The following ARB2A variants were observed in gnomAD, a reference collection of about 807,000 sequenced individuals.
The protein encoded by ARB2A is cotranscriptional regulator ARB2A.
chr5:93,673,381 CT>C, the ARB2A span, among the ~76,000 whole-genome samples: 268 of 147,940 alleles, frequency 1.8e-3, no homozygotes, highest in East Asian at 2.7e-3. Flanking sequence ...TCTCTCTTCT[CT>C]TTTTTTTTTC....
chr5:93,861,536 G>A, the ARB2A span: 1 of 151,912 alleles, frequency 6.6e-6, no homozygotes, highest in African/African-American at 2.4e-5. Flanking sequence ...CACATCCCAC[G>A]TGCCTAGCAC....
chr5:93,800,680 T>G, the ARB2A span, among the ~76,000 whole-genome samples: 26 of 152,100 alleles, frequency 1.7e-4, no homozygotes, highest in Non-Finnish European at 3.8e-4. Flanking sequence ...ACATGAATAT[T>G]TAGGCTTAGA....
chr5:94,072,309 T>C, the ARB2A span, among the ~76,000 whole-genome samples: 238 of 152,094 alleles, frequency 1.6e-3, 1 homozygote, highest in African/African-American at 5.2e-3. Context: ...GTGGTCATGG[T>C]TGCACAACAC....
chr5:93,895,625 T>C, the ARB2A span, among the ~76,000 whole-genome samples: 1 of 152,112 alleles, frequency 6.6e-6, no homozygotes, highest in Non-Finnish European at 1.5e-5. Context: ...AATTTTTATA[T>C]CACATCATAA....
At chr5:93,941,873 T>C in the ARB2A span, among the ~76,000 whole-genome samples, 1 of 152,174 alleles carries the variant, frequency 6.6e-6, no homozygotes, top group African/African-American at 2.4e-5. Flanking sequence ...CAAAGTGCTC[T>C]ATACTCTCAC....
At chr5:93,665,658 A>C in the ARB2A span, among the ~76,000 whole-genome samples, 1 of 152,230 alleles carries the variant, frequency 6.6e-6, no homozygotes, top group African/African-American at 2.4e-5. Context: ...CTATAGATGC[A>C]TTTTCCGTGT....
At chr5:94,065,843 A>G in the ARB2A span, among the ~76,000 whole-genome samples, 1 of 152,168 alleles carries the variant, frequency 6.6e-6, no homozygotes, top group Non-Finnish European at 1.5e-5. Flanking sequence ...TTAACAAAGA[A>G]ACAGATTTAA....
chr5:94,047,014 AT>A, the ARB2A span, among the ~76,000 whole-genome samples: 2 of 152,236 alleles, frequency 1.3e-5, no homozygotes, highest in Non-Finnish European at 2.9e-5. Context: ...CATAAGAAGC[AT>A]GATGGTATGA....
At chr5:93,668,116 A>T in the ARB2A span, among the ~76,000 whole-genome samples, 11 of 152,320 alleles carry the variant, frequency 7.2e-5, no homozygotes, top group East Asian at 2.1e-3. Flanking sequence ...AAAAATTATT[A>T]TTATATTTTG....
chr5:94,063,992 G>T, the ARB2A span, among the ~76,000 whole-genome samples: 1 of 151,864 alleles, frequency 6.6e-6, no homozygotes, highest in Non-Finnish European at 1.5e-5. Flanking sequence ...TCTGGCAACA[G>T]ATTCCAATCA....
the ARB2A span, among the ~76,000 whole-genome samples, chr5:94,063,561 C>T: frequency 6.6e-6 from 1 of 152,146 alleles, no homozygotes; most frequent in African/African-American, 2.4e-5. Context: ...CAACAATCAA[C>T]TGCAATAGAC....
At chr5:93,671,627 A>T in the ARB2A span, among the ~76,000 whole-genome samples, 23,025 of 152,070 alleles carry the variant, frequency 0.15, 1,930 homozygotes, top group Middle Eastern at 0.24. Flanking sequence ...TTACAAAAAA[A>T]TTTTTGGACA....
the ARB2A span, among the ~76,000 whole-genome samples, chr5:94,110,795 T>C: frequency 2.6e-5 from 4 of 152,144 alleles, no homozygotes; most frequent in Non-Finnish European, 5.9e-5. Flanking sequence ...ACCAGAGAAT[T>C]TTTCCCTCTA....
chr5:93,750,609 C>A, the ARB2A span, among the ~76,000 whole-genome samples: 1 of 152,124 alleles, frequency 6.6e-6, no homozygotes, highest in Non-Finnish European at 1.5e-5. Flanking sequence ...GCAGCCTCAA[C>A]CTCCCAGGCT....
the ARB2A span, among the ~76,000 whole-genome samples, chr5:94,008,211 C>T: frequency 6.6e-6 from 1 of 152,046 alleles, no homozygotes; most frequent in Non-Finnish European, 1.5e-5. Context: ...AGAAGTCTAA[C>T]ACATTAGTTG....
At chr5:93,998,223 CA>C in the ARB2A span, among the ~76,000 whole-genome samples, 5 of 151,826 alleles carry the variant, frequency 3.3e-5, no homozygotes, top group Non-Finnish European at 7.4e-5. Context: ...TTTAATTTAA[CA>C]AAATGTTCTT....
the ARB2A span, among the ~76,000 whole-genome samples, chr5:94,004,313 T>C: frequency 6.6e-6 from 1 of 152,106 alleles, no homozygotes; most frequent in African/African-American, 2.4e-5. Flanking sequence ...ACTGATACAT[T>C]AGACTGCATT....
chr5:93,990,620 T>TAAAA, the ARB2A span, among the ~76,000 whole-genome samples: 55 of 75,202 alleles, frequency 7.3e-4, 2 homozygotes, highest in African/African-American at 2.9e-3. Context: ...CTACCATGAG[T>TAAAA]AAAAAAAAAA....
the ARB2A span, among the ~76,000 whole-genome samples, chr5:93,856,428 G>A: frequency 2.0e-5 from 3 of 152,138 alleles, no homozygotes; most frequent in African/African-American, 4.8e-5. Context: ...CCAATCAGAC[G>A]TAGATTTGGT....
Sources: allele counts gnomAD v4.1 joint callset (sites outside exome capture counted in the v4.1 genomes callset), GRCh38; gene constraint gnomAD v4.1.1; transcripts MANE v1.5; gene names NCBI Gene and HGNC (gene_info 2026-07-23, HGNC 2026-07-21).